Variants in CLSTN2 observed in about 807,000 individuals in gnomAD.
The protein encoded by CLSTN2 is calsyntenin-2.
In CLSTN2, 48 loss-of-function variants were observed where a neutral mutation model predicts 101.2. The observed-to-expected ratio is 0.47, with a 90% CI of 0.38 to 0.60. CLSTN2 has a LOEUF of 0.60. Among genes scored for constraint, CLSTN2 ranks in the 20% least tolerant of loss-of-function variants. The pLI is 0.00. For synonymous variants in CLSTN2, 481 were observed against 463.6 expected, an observed-to-expected ratio of 1.04 and a Z score of -0.48; for missense variants, 1,160 against 1,238.2, an observed-to-expected ratio of 0.94 and a Z score of 0.95.
intron 2 of CLSTN2, among the ~76,000 whole-genome samples, chr3:140,276,516 T>C (rs940520110): frequency 3.3e-5 from 5 of 152,032 alleles, no homozygotes; most frequent in African/African-American, 1.2e-4. Context: ...GTGTAGGTGT[T>C]TTATTTAGAA....
intron 1 of CLSTN2, among the ~76,000 whole-genome samples, chr3:139,990,841 TTGGTATACAGAATGACTTCAGATTGG>T (rs1936101870): frequency 6.6e-6 from 1 of 152,240 alleles, no homozygotes; most frequent in African/African-American, 2.4e-5. Flanking sequence ...AATGCCATTG[TTGGTATACAGAATGACTTCAGATTGG>T]TGCAGAGATA....
chr3:140,406,594 T>G (rs1022222427), intron 4 of CLSTN2, among the ~76,000 whole-genome samples: 1 of 152,228 alleles, frequency 6.6e-6, no homozygotes, highest in African/African-American at 2.4e-5. Flanking sequence ...ACAGGCTCTG[T>G]GAAATGACTA....
chr3:140,292,032 C>T (rs1415213496), intron 2 of CLSTN2, among the ~76,000 whole-genome samples: 1 of 152,120 alleles, frequency 6.6e-6, no homozygotes, highest in African/African-American at 2.4e-5. Context: ...AAAACAAAAT[C>T]TAGATCATCT....
intron 2 of CLSTN2, among the ~76,000 whole-genome samples, chr3:140,396,653 C>A (rs1044540045): frequency 6.6e-6 from 1 of 152,154 alleles, no homozygotes. Flanking sequence ...CTATTTCATT[C>A]CAGCCCATCT....
intron 1 of CLSTN2, among the ~76,000 whole-genome samples, chr3:140,073,717 T>C (rs1475996229): frequency 6.6e-6 from 1 of 152,214 alleles, no homozygotes; most frequent in Non-Finnish European, 1.5e-5. Flanking sequence ...GCAGAGAGCA[T>C]TTAAAATCCT....
At position 140,128,994 on chromosome 3, in the gene CLSTN2, G is replaced by A. The variant is rs111749473; in HGVS notation, c.110-46957G>A. Among the ~76,000 whole-genome samples, 508 of 152,190 alleles carry A rather than the reference G, an allele frequency of 3.3e-3. 3 individuals are homozygous for A. The highest frequency in any genetic ancestry group is 0.012 in the African/African-American group (491 of 41,532). The stretch of plus-strand genomic sequence containing the variant: ...AGTGGGGTAGAGTCAATAGTGTTTC[G>A]ACAGTTAGGAGATCAGGAGTGTGAA... On this transcript the variant is annotated intron_variant, in intron 1 of 16. Coordinates refer to ENST00000458420, the MANE Select transcript of CLSTN2 (RefSeq NM_022131.3).
intron 2 of CLSTN2, among the ~76,000 whole-genome samples, chr3:140,240,225 T>TATACAC (rs1454560081): frequency 6.4e-4 from 17 of 26,600 alleles, no homozygotes; most frequent in African/African-American, 1.4e-3. Context: ...CACACACATA[T>TATACAC]ATATATATGC....
intron 2 of CLSTN2, among the ~76,000 whole-genome samples, chr3:140,242,758 C>T (rs1032026273): frequency 6.6e-6 from 1 of 152,182 alleles, no homozygotes; most frequent in African/African-American, 2.4e-5. Context: ...GGCAATGGGG[C>T]CTGACGGAGT....
At chr3:140,231,208 A>G (rs796436956) in intron 2 of CLSTN2, among the ~76,000 whole-genome samples, 5 of 152,194 alleles carry the variant, frequency 3.3e-5, no homozygotes, top group African/African-American at 1.2e-4. Context: ...CCACTATCTC[A>G]TCATGTCACC....
chr3:140,171,037 C>T (rs754554553), intron 1 of CLSTN2, among the ~76,000 whole-genome samples: 4 of 152,092 alleles, frequency 2.6e-5, no homozygotes, highest in Non-Finnish European at 5.9e-5. Context: ...ATGCTTTGTA[C>T]ACAGTTCTAA....
chr3:140,050,136 C>T (rs1170714614), intron 1 of CLSTN2, among the ~76,000 whole-genome samples: 5 of 152,242 alleles, frequency 3.3e-5, no homozygotes, highest in Admixed American at 2.6e-4. Flanking sequence ...AGTATATTCT[C>T]AGCTTGTTAT....
At chr3:140,480,532 C>T (rs1327628687) in intron 8 of CLSTN2, among the ~76,000 whole-genome samples, 2 of 152,224 alleles carry the variant, frequency 1.3e-5, no homozygotes, top group African/African-American at 4.8e-5. Flanking sequence ...CTGACTTCCA[C>T]AATGGTTGAA....
intron 2 of CLSTN2, among the ~76,000 whole-genome samples, chr3:140,181,834 G>T (rs2010413335): frequency 1.3e-5 from 2 of 152,138 alleles, no homozygotes; most frequent in Non-Finnish European, 2.9e-5. Flanking sequence ...TACTGTTCAA[G>T]CTTACCTAGC....
chr3:140,068,076 T>G (rs557072370), intron 1 of CLSTN2, among the ~76,000 whole-genome samples: 1 of 152,292 alleles, frequency 6.6e-6, no homozygotes, highest in East Asian at 1.9e-4. Flanking sequence ...CAAATACTCC[T>G]TGGAAGATGG....
chr3:140,545,803 T>A (rs746394819), intron 9 of CLSTN2, among the ~76,000 whole-genome samples: 18 of 151,898 alleles, frequency 1.2e-4, no homozygotes, highest in Admixed American at 1.1e-3. Flanking sequence ...GGAGAGAGTA[T>A]GACAGTAAAA....
chr3:140,098,677 C>G (rs2008911887), intron 1 of CLSTN2, among the ~76,000 whole-genome samples: 1 of 152,178 alleles, frequency 6.6e-6, no homozygotes, highest in Non-Finnish European at 1.5e-5. Context: ...TGTAATCTTC[C>G]CTGAATGCAG....
intron 2 of CLSTN2, among the ~76,000 whole-genome samples, chr3:140,209,264 G>A (rs1288125529): frequency 1.3e-5 from 2 of 152,132 alleles, no homozygotes; most frequent in Non-Finnish European, 2.9e-5. Context: ...CAATAGAAAA[G>A]AGAGCTCAGT....
At chr3:140,050,796 G>A (rs1211541945) in intron 1 of CLSTN2, among the ~76,000 whole-genome samples, 1 of 152,154 alleles carries the variant, frequency 6.6e-6, no homozygotes, top group East Asian at 1.9e-4. Flanking sequence ...AGGGCAAGAT[G>A]GGAAAATAGC....
At chr3:140,341,158 C>T (rs554446399) in intron 2 of CLSTN2, among the ~76,000 whole-genome samples, 1 of 152,276 alleles carries the variant, frequency 6.6e-6, no homozygotes, top group East Asian at 1.9e-4. Context: ...TCTAAGGTCC[C>T]TTTTTCCCCC....
Sources: allele counts gnomAD v4.1 joint callset (sites outside exome capture counted in the v4.1 genomes callset), GRCh38; gene constraint gnomAD v4.1.1; transcripts MANE v1.5; gene names NCBI Gene and HGNC (gene_info 2026-07-23, HGNC 2026-07-21).